ZFHX3: variants seen among roughly 807,000 people sequenced by gnomAD.
The protein encoded by ZFHX3 is zinc finger homeobox protein 3.
In ZFHX3, 42 loss-of-function variants were observed where a neutral mutation model predicts 279.1. The ratio of observed to expected loss-of-function variants is 0.15; its 90% CI spans 0.12 to 0.19. ZFHX3 has a LOEUF of 0.19. Ranked by LOEUF, ZFHX3 falls within the 10% of genes least tolerant of loss-of-function variation. The probability of loss-of-function intolerance (pLI) is 1.00; values close to 1 mark genes in which losing one functional copy is unlikely to be tolerated. For synonymous variants in ZFHX3, 2,293 were observed against 1,957.8 expected (o/e 1.17, Z -4.52); for missense variants, 4,981 against 4,754.0 (o/e 1.05, Z -1.40).
At chr16:73,728,093 C>A (rs2053537258) in intron 1 of ZFHX3, among the ~76,000 whole-genome samples, 1 of 128,498 alleles carries the variant, frequency 7.8e-6, no homozygotes, top group African/African-American at 2.9e-5. Context: ...ATTTGGAGAT[C>A]AGGTCTTTAA....
intron 5 of ZFHX3, among the ~76,000 whole-genome samples, chr16:72,814,514 T>G (rs1041778521): frequency 2.0e-5 from 3 of 152,250 alleles, no homozygotes; most frequent in Admixed American, 2.0e-4. Context: ...CTTCCTTGAA[T>G]GCTGAACACA....
chr16:73,512,880 C>G (rs1597365252), intron 2 of ZFHX3, among the ~76,000 whole-genome samples: 1 of 152,318 alleles, frequency 6.6e-6, no homozygotes, highest in South Asian at 2.1e-4. Flanking sequence ...ACTCCCTTCA[C>G]TAAGTCAATA....
chr16:73,180,388 T>C (rs1967764628), intron 5 of ZFHX3, among the ~76,000 whole-genome samples: 1 of 152,186 alleles, frequency 6.6e-6, no homozygotes, highest in South Asian at 2.1e-4. Context: ...CTAGACTCAC[T>C]AGAAAGACCC....
rs1398563308 is a variant in ZFHX3 at position 72,796,860 on chromosome 16, C to G, written c.5822G>C (p.Arg1941Thr). Residue 1941 changes from arginine (R) to threonine (T), a missense_variant, in exon 9 of 10, where the codon AGA becomes ACA. Around this residue, in one of 7 missense-constraint regions of ZFHX3, gnomAD observed 1,751 missense variants for 1,770.0 expected, o/e 0.99. Coordinates refer to ENST00000268489, the MANE Select transcript of ZFHX3 (RefSeq NM_006885.4). ...CAGCAGGGCCTTGGTGGCGTTCCCT[C>G]TGGCATCTGAAGCAATGCGTGGAGG... ...MLPPRIASDARGNATKALLEN... is the reference protein window; with the variant it reads ...MLPPRIASDATGNATKALLEN... 1 of 1,613,468 alleles carries G rather than the reference C, an allele frequency of 6.2e-7. No individual in the cohort carries two copies. Among genetic ancestry groups the G allele is most frequent in the Non-Finnish European group, 8.5e-7 (1 of 1,179,972 alleles).
chr16:73,323,206 A>T (rs1311453299), intron 3 of ZFHX3, among the ~76,000 whole-genome samples: 2 of 152,194 alleles, frequency 1.3e-5, no homozygotes, highest in African/African-American at 4.8e-5. Context: ...ACCTGGACAG[A>T]CCCAGCAGAG....
chr16:73,537,314 C>CTTTT (rs3051948), intron 2 of ZFHX3, among the ~76,000 whole-genome samples: 18 of 77,596 alleles, frequency 2.3e-4, no homozygotes, highest in Admixed American at 3.8e-4. Context: ...CTTTCTTCTT[C>CTTTT]TTTTTTTTTT....
intron 1 of ZFHX3, among the ~76,000 whole-genome samples, chr16:73,783,157 C>T (rs1959529383): frequency 6.6e-6 from 1 of 152,122 alleles, no homozygotes; most frequent in Non-Finnish European, 1.5e-5. Context: ...GAGCTGAGTA[C>T]CGGGCCAAGA....
At chr16:73,569,787 A>G (rs1395824235) in intron 2 of ZFHX3, among the ~76,000 whole-genome samples, 1 of 152,244 alleles carries the variant, frequency 6.6e-6, no homozygotes, top group Non-Finnish European at 1.5e-5. Flanking sequence ...CCGGAAGAGC[A>G]CACAGATGCC....
At chr16:73,460,774 A>G (rs1223136019) in intron 2 of ZFHX3, among the ~76,000 whole-genome samples, 1 of 152,164 alleles carries the variant, frequency 6.6e-6, no homozygotes, top group Non-Finnish European at 1.5e-5. Flanking sequence ...TGCTGTCCTC[A>G]CAACAGTGAG....
At chr16:73,451,833 A>C (rs935245571) in intron 3 of ZFHX3, among the ~76,000 whole-genome samples, 9 of 152,226 alleles carry the variant, frequency 5.9e-5, no homozygotes, top group Non-Finnish European at 1.3e-4. Context: ...TATTTTGAAC[A>C]TATTTTAGGG....
chr16:73,462,124 A>G (rs931622592), intron 2 of ZFHX3, among the ~76,000 whole-genome samples: 3 of 152,180 alleles, frequency 2.0e-5, no homozygotes, highest in African/African-American at 7.2e-5. Flanking sequence ...TAGCTATGGT[A>G]CATGATGTAT....
At chr16:72,970,507 T>C (rs904071229) in intron 1 of ZFHX3, among the ~76,000 whole-genome samples, 1 of 152,106 alleles carries the variant, frequency 6.6e-6, no homozygotes, top group Non-Finnish European at 1.5e-5. Context: ...TTGGATTTAA[T>C]TACCATAGAG....
intron 2 of ZFHX3, among the ~76,000 whole-genome samples, chr16:73,552,696 T>G (rs945825374): frequency 2.0e-5 from 3 of 151,212 alleles, no homozygotes; most frequent in Non-Finnish European, 4.4e-5. Context: ...AGGACATGAG[T>G]GTAAATGAGG....
At chr16:73,684,383 G>C (rs2053057141) in intron 1 of ZFHX3, among the ~76,000 whole-genome samples, 1 of 151,894 alleles carries the variant, frequency 6.6e-6, no homozygotes, top group Non-Finnish European at 1.5e-5. Context: ...AACTTTAGGA[G>C]CGAATTAGAC....
Position 72,887,596 on chromosome 16 carries a change from G to A in ZFHX3, c.3448+2135C>T, listed in dbSNP as rs149417265. On this transcript the variant is annotated intron_variant, in intron 4 of 9. Coordinates refer to ENST00000268489, the MANE Select transcript of ZFHX3 (RefSeq NM_006885.4). Reference sequence around the variant, plus strand: ...TGCGGGGCAGTGCCTGTGTATTTGTGGGTAGAGTGAGGGTGCGTGTGGGAT... The same window carrying A: ...TGCGGGGCAGTGCCTGTGTATTTGTAGGTAGAGTGAGGGTGCGTGTGGGAT... Among the ~76,000 whole-genome samples the A allele has an allele frequency of 2.3e-3, 341 of 151,210 alleles. 1 individual carries two copies. Among genetic ancestry groups the A allele is most frequent in the East Asian group, 0.012 (61 of 5,142 alleles).
intron 1 of ZFHX3, among the ~76,000 whole-genome samples, chr16:73,881,736 G>A (rs74472684): frequency 0.054 from 8,150 of 151,956 alleles, 325 homozygotes; most frequent in Non-Finnish European, 0.085. Context: ...GGATATATAT[G>A]TGTGTGTGCG....
chr16:73,266,668 T>C (rs1567434919), intron 4 of ZFHX3, among the ~76,000 whole-genome samples: 1 of 152,188 alleles, frequency 6.6e-6, no homozygotes, highest in Admixed American at 6.5e-5. Context: ...CCACATGTCA[T>C]AGGAGGGAAC....
At position 73,819,883 on chromosome 16, in the gene ZFHX3, G is replaced by A. The variant is rs114172129; in HGVS notation, c.-1608+71768C>T. Among the ~76,000 whole-genome samples, 373 of 152,314 alleles carry A rather than the reference G, an allele frequency of 2.4e-3. 3 individuals carry two copies. The highest frequency in any genetic ancestry group is 8.4e-3 in the African/African-American group (351 of 41,574). On this transcript the variant is annotated intron_variant, in intron 1 of 17. Coordinates refer to the ZFHX3 transcript ENST00000641206. ...AAAAAGCCACTGCCCCTCTGGCCAA[G>A]TGTGAAGTCTTACTGCATACCGGCT...
rs189930383 is a variant in ZFHX3, at chr16:73,721,365, G to T, written c.-1607-41125C>A. On this transcript the variant is annotated intron_variant, in intron 1 of 17. Coordinates refer to the ZFHX3 transcript ENST00000641206. ...TCGAACTCCTGACCTCAGGTGATCTGCCCACCTTGGCCTCCCAAAGTGCTG... is the reference window on the plus strand; with the variant it reads ...TCGAACTCCTGACCTCAGGTGATCTTCCCACCTTGGCCTCCCAAAGTGCTG... 4.6e-5 allele frequency among the ~76,000 whole-genome samples: 7 copies of T among 152,172 alleles called. No homozygotes were observed. In the East Asian group the frequency reaches 1.4e-3, roughly 30 times the overall value.
Sources: gnomAD v4.1 joint callset for allele counts (sites outside exome capture counted in the v4.1 genomes callset) on GRCh38, gnomAD v4.1.1 for gene constraint, gnomAD v4.1.1 regional missense constraint, MANE v1.5 for transcripts, NCBI Gene and HGNC (gene_info 2026-07-23, HGNC 2026-07-21) for gene names.